RIMBP2: variants seen among roughly 807,000 people sequenced by gnomAD.
RIMBP2 encodes the protein RIMS binding protein 2.
A neutral mutation model predicts 118.6 loss-of-function variants in RIMBP2; 48 were observed. That is an observed-to-expected ratio of 0.40 (90% confidence interval 0.32 to 0.51). The LOEUF is 0.51. RIMBP2 is among the 20% of genes least tolerant of loss of function. The pLI is 0.41. For missense variants in RIMBP2, 1,551 were observed against 1,768.3 expected (o/e 0.88, Z 2.20); for synonymous variants, 762 against 742.9 (o/e 1.03, Z -0.42).
intron 1 of RIMBP2, among the ~76,000 whole-genome samples, chr12:130,713,466 C>G (rs1950110965): frequency 6.6e-6 from 1 of 152,192 alleles, no homozygotes; most frequent in East Asian, 1.9e-4. Context: ...GATCAGACAG[C>G]TTTTCAAATG....
chr12:130,628,354 G>A lies in RIMBP2; in HGVS notation c.-249C>T, dbSNP rs1412340019. The A allele has an allele frequency of 6.6e-6, 1 of 152,242 alleles. No homozygotes were observed. The highest frequency in any genetic ancestry group is 2.4e-5 in the African/African-American group (1 of 41,458). The allele number at this position is 152,242 out of a possible 1,614,324, so 9.4% of individuals were successfully genotyped here. A position where few individuals can be genotyped will look rare whatever the true frequency, so the allele number is the denominator to read the frequency against. Reference sequence around the variant, plus strand: ...TTTCTCTGCTGAGTTCCTGGTCTCAGGAGAGGAAGTGGGAAATTTCCCCAG... The same window carrying A: ...TTTCTCTGCTGAGTTCCTGGTCTCAAGAGAGGAAGTGGGAAATTTCCCCAG... On this transcript the variant is annotated 5_prime_UTR_variant, in exon 2 of 23. Coordinates refer to ENST00000690449, the MANE Select transcript of RIMBP2 (RefSeq NM_001393629.1).
Position 130,703,565 on chromosome 12 carries a change from T to C in RIMBP2, c.-352+12657A>G, listed in dbSNP as rs1001438931. On this transcript the variant is annotated intron_variant, in intron 1 of 22. Coordinates refer to ENST00000690449, the MANE Select transcript of RIMBP2 (RefSeq NM_001393629.1). The surrounding 1 kb of genome is among the most constrained non-coding windows in gnomAD (Gnocchi z 5.7). ...GAGCCGCAGTCTGAGGGCCGGGCCC[T>C]GGCATGGGCTCCATCAGATCCCGTA... 5.9e-5 allele frequency among the ~76,000 whole-genome samples: 9 copies of C among 152,196 alleles called. No homozygotes were observed. The highest frequency in any genetic ancestry group is 2.2e-4 in the African/African-American group (9 of 41,452).
intron 4 of RIMBP2, among the ~76,000 whole-genome samples, chr12:130,485,353 A>G (rs557282064): frequency 6.6e-6 from 1 of 152,380 alleles, no homozygotes; most frequent in East Asian, 1.9e-4. Context: ...AGCAAGGGCT[A>G]AAAGCCACAG....
At chr12:130,533,613 G>T (rs532820503) in intron 2 of RIMBP2, among the ~76,000 whole-genome samples, 127 of 152,278 alleles carry the variant, frequency 8.3e-4, no homozygotes, top group African/African-American at 3.0e-3. Flanking sequence ...GCGCTCATGT[G>T]TTCACCATAA....
At chr12:130,592,348 G>A (rs985025893) in intron 2 of RIMBP2, among the ~76,000 whole-genome samples, 43 of 152,266 alleles carry the variant, frequency 2.8e-4, no homozygotes, top group Non-Finnish European at 5.6e-4. Flanking sequence ...TCTCTTTTCT[G>A]TTTTGACAGC....
intron 2 of RIMBP2, among the ~76,000 whole-genome samples, chr12:130,579,661 C>T (rs2058330444): frequency 6.6e-6 from 1 of 152,070 alleles, no homozygotes; most frequent in South Asian, 2.1e-4. Context: ...CAGCACACTC[C>T]CCCATTGAGC....
chr12:130,636,822 G>T (rs2062372131), intron 1 of RIMBP2, among the ~76,000 whole-genome samples: 1 of 152,172 alleles, frequency 6.6e-6, no homozygotes, highest in Non-Finnish European at 1.5e-5. Context: ...AACTGAAGCT[G>T]GATACCTACA....
intron 1 of RIMBP2, among the ~76,000 whole-genome samples, chr12:130,672,580 C>A (rs970637015): frequency 6.6e-6 from 1 of 152,156 alleles, no homozygotes; most frequent in African/African-American, 2.4e-5. Flanking sequence ...GGAAGCAGCA[C>A]GTGGGCAAGT....
intron 21 of RIMBP2, 30 bp from the exon 22 acceptor site, chr12:130,399,843 T>TA (rs2074362742): frequency 6.2e-7 from 1 of 1,611,930 alleles, no homozygotes; most frequent in Admixed American, 1.7e-5. Context: ...GCAGAAGAAC[T>TA]ATTTATTTTT....
At chr12:130,712,442 C>A (rs1949988089) in intron 1 of RIMBP2, among the ~76,000 whole-genome samples, 1 of 152,044 alleles carries the variant, frequency 6.6e-6, no homozygotes, top group South Asian at 2.1e-4. Context: ...AAGACATAAA[C>A]ACACACGTTC....
intron 2 of RIMBP2, among the ~76,000 whole-genome samples, chr12:130,536,923 A>G (rs2054136955): frequency 3.3e-5 from 5 of 152,302 alleles, no homozygotes; most frequent in Middle Eastern, 6.8e-3. Flanking sequence ...TACTTTTTCC[A>G]AAAACCTAGA....
chr12:130,571,417 T>A (rs28408886), intron 2 of RIMBP2, among the ~76,000 whole-genome samples: 58,429 of 110,906 alleles, frequency 0.53, 12,135 homozygotes, highest in Middle Eastern at 0.57. Flanking sequence ...CATAGTAACA[T>A]TTTTTTTTTT....
chr12:130,476,824 G>A (rs181917197), intron 5 of RIMBP2, among the ~76,000 whole-genome samples: 10 of 152,280 alleles, frequency 6.6e-5, no homozygotes, highest in South Asian at 6.2e-4. Flanking sequence ...TGTCCCACTC[G>A]CAGCTGTGTT....
chr12:130,524,982 A>C (rs534952779), intron 2 of RIMBP2, among the ~76,000 whole-genome samples: 2 of 152,288 alleles, frequency 1.3e-5, no homozygotes, highest in East Asian at 3.9e-4. Context: ...CCCGGTGGGA[A>C]TGCTCAGGGG....
At chr12:130,484,862 G>A (rs886662392) in intron 4 of RIMBP2, among the ~76,000 whole-genome samples, 5 of 152,232 alleles carry the variant, frequency 3.3e-5, no homozygotes, top group African/African-American at 1.2e-4. Context: ...TCTTAGAGTA[G>A]TTACTTAACC....
At chr12:130,705,120 T>C (rs2632606) in intron 1 of RIMBP2, among the ~76,000 whole-genome samples, 108,489 of 151,932 alleles carry the variant, frequency 0.71, 39,656 homozygotes, top group Middle Eastern at 0.85. Context: ...CTCCTCTCCG[T>C]GGCCACATTG....
At chr12:130,686,351 C>A (rs2065043573) in intron 1 of RIMBP2, among the ~76,000 whole-genome samples, 1 of 152,202 alleles carries the variant, frequency 6.6e-6, no homozygotes, top group African/African-American at 2.4e-5. Flanking sequence ...ACAGACCCCG[C>A]GCCCCCAGGC....
chr12:130,646,394 A>ACCACCTCCCTCT (rs2062959049), intron 1 of RIMBP2, among the ~76,000 whole-genome samples: 1 of 43,654 alleles, frequency 2.3e-5, no homozygotes. Context: ...CACCTCCCTC[A>ACCACCTCCCTCT]CCACCTGCCT....
intron 2 of RIMBP2, among the ~76,000 whole-genome samples, chr12:130,536,866 T>G (rs533143133): frequency 6.6e-6 from 1 of 152,248 alleles, no homozygotes; most frequent in African/African-American, 2.4e-5. Context: ...AATGATACCG[T>G]GAAGCCCCTG....
Sources: gnomAD v4.1 joint callset for allele counts (sites outside exome capture counted in the v4.1 genomes callset) on GRCh38, gnomAD v4.1.1 for gene constraint, Gnocchi (gnomAD v3.1) non-coding constraint, MANE v1.5 for transcripts, NCBI Gene and HGNC (gene_info 2026-07-23, HGNC 2026-07-21) for gene names.